The following CEP15 variants were observed in gnomAD, a reference collection of about 807,000 sequenced individuals.
The protein encoded by CEP15 is centrosomal protein 15 kDa.
the CEP15 span, among the ~76,000 whole-genome samples, chr3:62,329,591 A>C: frequency 6.6e-6 from 1 of 152,234 alleles, no homozygotes; most frequent in Non-Finnish European, 1.5e-5. Flanking sequence ...AGGGCTGATC[A>C]TTTATAGTCA....
the CEP15 span, chr3:62,335,488 A>G: frequency 2.0e-5 from 3 of 148,890 alleles, no homozygotes; most frequent in Admixed American, 2.1e-4. Context: ...TCCCATAGGG[A>G]CCTGGATATC....
the CEP15 span, chr3:62,331,190 A>G: frequency 1.6e-6 from 1 of 628,952 alleles, no homozygotes; most frequent in South Asian, 2.1e-5. Flanking sequence ...TTCCTACCAT[A>G]GTGTGCCTCC....
the CEP15 span, chr3:62,331,466 T>G: frequency 7.9e-7 from 1 of 1,266,372 alleles, no homozygotes; most frequent in Non-Finnish European, 1.1e-6. Flanking sequence ...GCACTACAAG[T>G]TAAACAATGG....
the CEP15 span, chr3:62,331,310 C>T: frequency 7.1e-5 from 115 of 1,610,642 alleles, no homozygotes; most frequent in East Asian, 2.4e-3. Flanking sequence ...TATAAAATGC[C>T]GATATCTGTT....
the CEP15 span, chr3:62,333,604 T>C: frequency 2.6e-6 from 1 of 391,798 alleles, no homozygotes. This position sits in a 1 kb window ranked among gnomAD's most constrained non-coding sequence, Gnocchi z 4.0. Flanking sequence ...CCCATAGATG[T>C]GTTAAACACG....
the CEP15 span, chr3:62,320,379 A>G: frequency 1.1e-6 from 1 of 925,472 alleles, no homozygotes; most frequent in Non-Finnish European, 1.7e-6. Context: ...CCAATGGATT[A>G]AGGTACTAAA....
chr3:62,332,967 T>C, the CEP15 span, among the ~76,000 whole-genome samples: 1 of 152,166 alleles, frequency 6.6e-6, no homozygotes, highest in Non-Finnish European at 1.5e-5. Context: ...AATCATGAAG[T>C]TGGCCACAAG....
the CEP15 span, among the ~76,000 whole-genome samples, chr3:62,327,003 G>C: frequency 6.6e-6 from 1 of 152,124 alleles, no homozygotes; most frequent in Admixed American, 6.6e-5. Flanking sequence ...GTTTACATTT[G>C]TTTGGATTAG....
chr3:62,325,853 G>A, the CEP15 span, among the ~76,000 whole-genome samples: 8 of 151,948 alleles, frequency 5.3e-5, no homozygotes, highest in East Asian at 3.9e-4. Flanking sequence ...GTGAAACCCC[G>A]TCTCTACTAA....
At chr3:62,327,294 A>G in the CEP15 span, among the ~76,000 whole-genome samples, 8 of 152,370 alleles carry the variant, frequency 5.3e-5, no homozygotes, top group East Asian at 9.6e-4. Context: ...AACAAAGTCA[A>G]AAGAAACAGA....
chr3:62,325,666 A>G, the CEP15 span, among the ~76,000 whole-genome samples: 1 of 152,208 alleles, frequency 6.6e-6, no homozygotes. Flanking sequence ...GTTTTTTATA[A>G]ATACTGCCAC....
the CEP15 span, among the ~76,000 whole-genome samples, chr3:62,329,966 A>G: frequency 6.6e-6 from 1 of 152,188 alleles, no homozygotes; most frequent in Non-Finnish European, 1.5e-5. Flanking sequence ...TCGTAGTGTC[A>G]GCATCAAAAG....
the CEP15 span, chr3:62,322,281 A>G: frequency 2.4e-6 from 1 of 415,336 alleles, no homozygotes. The surrounding 1 kb of genome is among the most constrained non-coding windows in gnomAD (Gnocchi z 5.5). Flanking sequence ...TTTGCAATCA[A>G]CTAGAAAATC....
chr3:62,330,236 C>T, the CEP15 span, among the ~76,000 whole-genome samples: 15 of 152,252 alleles, frequency 9.9e-5, no homozygotes, highest in Admixed American at 2.6e-4. Flanking sequence ...CCTTCACACC[C>T]CACTCCCACG....
the CEP15 span, chr3:62,335,721 A>T: frequency 6.6e-6 from 1 of 152,118 alleles, no homozygotes; most frequent in Non-Finnish European, 1.5e-5. Flanking sequence ...CTTCTCCATG[A>T]AAACTATGAA....
the CEP15 span, among the ~76,000 whole-genome samples, chr3:62,329,707 T>C: frequency 6.6e-6 from 1 of 152,320 alleles, no homozygotes; most frequent in African/African-American, 2.4e-5. Flanking sequence ...TGCTCTCCTG[T>C]AAGAGAGATA....
the CEP15 span, among the ~76,000 whole-genome samples, chr3:62,330,074 C>T: frequency 6.6e-6 from 1 of 152,124 alleles, no homozygotes; most frequent in Admixed American, 6.6e-5. Flanking sequence ...TCCTTCAAAT[C>T]ACCTTCCTCT....
At chr3:62,320,749 T>G in the CEP15 span, among the ~76,000 whole-genome samples, 13 of 152,304 alleles carry the variant, frequency 8.5e-5, no homozygotes, top group South Asian at 2.1e-4. Flanking sequence ...ATAGATAAAT[T>G]TGCCCCTCCT....
the CEP15 span, chr3:62,320,324 T>G: frequency 1.7e-6 from 1 of 571,694 alleles, no homozygotes; most frequent in African/African-American, 1.9e-5. Context: ...TCCTTTCATT[T>G]TATACATTAT....
Sources: gnomAD v4.1 joint callset for allele counts (sites outside exome capture counted in the v4.1 genomes callset) on GRCh38, gnomAD v4.1.1 for gene constraint, Gnocchi (gnomAD v3.1) non-coding constraint, MANE v1.5 for transcripts, NCBI Gene and HGNC (gene_info 2026-07-23, HGNC 2026-07-21) for gene names.